Variants in USH2A observed in about 807,000 individuals in gnomAD.
The protein encoded by USH2A is Usher syndrome 2A (autosomal recessive, mild).
A neutral mutation model predicts 538.9 loss-of-function variants in USH2A; 443 were observed. That is an observed-to-expected ratio of 0.82 (90% confidence interval 0.76 to 0.89). The LOEUF (loss-of-function observed/expected upper bound fraction) is 0.89, where lower values mean the gene tolerates loss of function less well. Ranked by LOEUF, USH2A falls within the 40% of genes least tolerant of loss-of-function variation. The pLI is 0.00. For missense variants in USH2A, 6,633 were observed against 6,324.8 expected, an observed-to-expected ratio of 1.05 and a Z score of -1.65; for synonymous variants, 2,413 against 2,273.5, an observed-to-expected ratio of 1.06 and a Z score of -1.75.
At chr1:215,761,080 C>T (rs969709134) in intron 56 of USH2A, among the ~76,000 whole-genome samples, 1 of 152,184 alleles carries the variant, frequency 6.6e-6, no homozygotes, top group African/African-American at 2.4e-5. Context: ...GTGGCCATAC[C>T]AGATTCCTTT....
At chr1:215,992,942 C>T in intron 35 of USH2A, 78 bp downstream of exon 35, 1 of 1,594,778 alleles carries the variant, frequency 6.3e-7, no homozygotes, top group East Asian at 2.2e-5. Context: ...TTAAGCACCA[C>T]ATATAAGCTG....
intron 60 of USH2A, among the ~76,000 whole-genome samples, chr1:215,730,109 T>C (rs1659949255): frequency 6.6e-6 from 1 of 152,192 alleles, no homozygotes; most frequent in South Asian, 2.1e-4. Context: ...GTACTAAATA[T>C]ATATAGCATT....
In USH2A at chr1:216,327,709, C is replaced by G; in HGVS notation, c.785-55G>C. On this transcript the variant is annotated intron_variant, in intron 4 of 71. Coordinates refer to ENST00000307340, the MANE Select transcript of USH2A (RefSeq NM_206933.4). ...GAAGTCTCTGTTTACCAAGCAATAC[C>G]TGACAAGTATTTAAGTGATATTCCT... 6.3e-6 allele frequency: 10 copies of G among 1,580,074 alleles called. No individual in the cohort carries two copies. The South Asian group carries it at 1.1e-4, about 17-fold the overall frequency.
At chr1:216,001,438 T>C (rs1434653798) in intron 32 of USH2A, among the ~76,000 whole-genome samples, 1 of 152,174 alleles carries the variant, frequency 6.6e-6, no homozygotes, top group Non-Finnish European at 1.5e-5. Flanking sequence ...GTCTTTCTAA[T>C]AGATACCACA....
chr1:216,355,530 A>T (rs114517879), intron 4 of USH2A, among the ~76,000 whole-genome samples: 1,674 of 152,222 alleles, frequency 0.011, 36 homozygotes, highest in African/African-American at 0.035. Flanking sequence ...TCAAATGAAA[A>T]TATCCTGCAA....
Position 215,671,189 on chromosome 1 carries a change from T to A in USH2A, c.13916A>T (p.His4639Leu), listed in dbSNP as rs778985004. 1 of 1,614,054 alleles carries A rather than the reference T, an allele frequency of 6.2e-7. No homozygotes were observed. The highest frequency in any genetic ancestry group is 8.5e-7 in the Non-Finnish European group (1 of 1,179,982). ...TCCTGGAGCCATTTGTACCTCCAGA[T>A]GTGGAGGGGGTTGCATCAAAGGTGC... ...EIAPLMQPPP[H>L]LEVQMAPGGF... Residue 4639 changes from histidine to leucine, a missense_variant, in exon 64 of 72, where the codon CAT (histidine) becomes CTT (leucine). His to Leu is a moderately conservative substitution (Grantham distance 99). Transcript: ENST00000307340.
chr1:216,411,442 C>T (rs1176060369), intron 3 of USH2A, among the ~76,000 whole-genome samples: 3 of 152,036 alleles, frequency 2.0e-5, no homozygotes, highest in African/African-American at 4.8e-5. Context: ...TAAGATGAGT[C>T]CTACCGAATT....
rs577844238 is a variant in USH2A at position 215,948,371 on chromosome 1, T to A, written c.7121-13576A>T. 1.8e-4 allele frequency among the ~76,000 whole-genome samples: 27 copies of A among 151,428 alleles called. No homozygotes were observed. The South Asian group carries it at 3.3e-3, about 19-fold the overall frequency. Reference sequence around the variant, plus strand: ...GAAATTACCTAAAATGTGAAGATAATCATTGTTATTAATATTTTGGTATAT... The same window carrying A: ...GAAATTACCTAAAATGTGAAGATAAACATTGTTATTAATATTTTGGTATAT... On this transcript the variant is annotated intron_variant, in intron 37 of 71. Transcript: ENST00000307340.
intron 4 of USH2A, among the ~76,000 whole-genome samples, chr1:216,364,428 A>T (rs2038554259): frequency 6.6e-6 from 1 of 152,210 alleles, no homozygotes; most frequent in African/African-American, 2.4e-5. Flanking sequence ...TATATAGTAG[A>T]TCCCAAAAGA....
At chr1:216,199,586 T>C (rs1048372704) in intron 17 of USH2A, 41 bp downstream of exon 17, 1 of 1,613,122 alleles carries the variant, frequency 6.2e-7, no homozygotes. Flanking sequence ...TTCTCATTCA[T>C]GTCTTGACCA....
intron 27 of USH2A, among the ~76,000 whole-genome samples, chr1:216,073,891 C>T (rs1409871848): frequency 6.6e-6 from 1 of 152,210 alleles, no homozygotes; most frequent in African/African-American, 2.4e-5. Flanking sequence ...TTACATCAGC[C>T]TACAGAAGAG....
At chr1:216,088,802 AT>A (rs566533261) in intron 23 of USH2A, among the ~76,000 whole-genome samples, 2 of 152,150 alleles carry the variant, frequency 1.3e-5, no homozygotes, top group African/African-American at 4.8e-5. Flanking sequence ...CTTCATTGTT[AT>A]TTTTTTCTTT....
intron 43 of USH2A, among the ~76,000 whole-genome samples, chr1:215,869,176 A>G (rs914356183): frequency 6.6e-6 from 1 of 152,228 alleles, no homozygotes; most frequent in African/African-American, 2.4e-5. Flanking sequence ...TAAGAAAAAC[A>G]AGGCTCAGAG....
rs551930517 is a variant in USH2A, at chr1:216,131,211, C to G, written c.4628-33998G>C. ...TTTGTTGTAGGTTCTGGATATTAGT[C>G]CTTTGTCAGATGGATAGATTTTGAA... On this transcript the variant is annotated intron_variant, in intron 21 of 71. Transcript: ENST00000307340. Among the ~76,000 whole-genome samples, 14 of 151,740 alleles carry G rather than the reference C, an allele frequency of 9.2e-5. No individual in the cohort carries two copies. The East Asian group carries it at 2.5e-3, about 27-fold the overall frequency.
At position 215,650,600 on chromosome 1, in the gene USH2A, C is replaced by T. The variant is rs769420341; in HGVS notation, c.14335G>A (p.Glu4779Lys). The T allele has an allele frequency of 3.7e-6, 6 of 1,614,082 alleles. No individual in the cohort carries two copies. Among genetic ancestry groups the T allele is most frequent in the Non-Finnish European group, 4.2e-6 (5 of 1,180,032 alleles). Reference protein sequence around the residue: ...RLFSSSAHGAETVLSEGMATQ... With the variant: ...RLFSSSAHGAKTVLSEGMATQ... ...TTAGCTCTGCTGCTCACCACTGTCT[C>T]AGCCCCATGGGCGCTGCTGGAGAAC... Residue 4779 changes from glutamate (E) to lysine (K), a missense_variant, in exon 65 of 72, where the codon GAG (glutamate) becomes AAG (lysine). By Grantham distance (56) the Glu-to-Lys change is moderately conservative (BLOSUM62 1). Coordinates refer to ENST00000307340, the MANE Select transcript of USH2A (RefSeq NM_206933.4).
At chr1:215,747,857 GTTT>G (rs1051260304) in intron 58 of USH2A, among the ~76,000 whole-genome samples, 1 of 150,186 alleles carries the variant, frequency 6.7e-6, no homozygotes, top group Non-Finnish European at 1.5e-5. Flanking sequence ...GAAGCCACAG[GTTT>G]TTTGTTTTTT....
At chr1:215,967,391 A>T (rs1343946617) in intron 36 of USH2A, among the ~76,000 whole-genome samples, 1 of 151,872 alleles carries the variant, frequency 6.6e-6, no homozygotes, top group African/African-American at 2.4e-5. Context: ...CTGGTCTCGA[A>T]CTCCTGACCT....
chr1:216,110,263 C>A (rs1158977718), intron 21 of USH2A, among the ~76,000 whole-genome samples: 1 of 152,108 alleles, frequency 6.6e-6, no homozygotes, highest in Non-Finnish European at 1.5e-5. Context: ...GAGTCCAAGG[C>A]AGGAGGATGG....
intron 13 of USH2A, among the ~76,000 whole-genome samples, chr1:216,245,373 C>T (rs140478976): frequency 2.0e-5 from 3 of 151,862 alleles, no homozygotes; most frequent in East Asian, 1.9e-4. Flanking sequence ...GCTAATAAAT[C>T]GCTCTGTTGT....
Sources: allele counts gnomAD v4.1 joint callset (sites outside exome capture counted in the v4.1 genomes callset), GRCh38; gene constraint gnomAD v4.1.1; transcripts MANE v1.5; gene names NCBI Gene and HGNC (gene_info 2026-07-23, HGNC 2026-07-21).